The following KLF12 variants were observed in gnomAD, a reference collection of about 807,000 sequenced individuals.
KLF12 encodes the protein KLF transcription factor 12.
Under a neutral mutation model 37.8 loss-of-function variants are expected in KLF12, and 9 were observed. The ratio of observed to expected loss-of-function variants is 0.24; its 90% CI spans 0.14 to 0.42. The LOEUF (loss-of-function observed/expected upper bound fraction) is 0.42. Ranked by LOEUF, KLF12 falls within the 10% of genes least tolerant of loss-of-function variation. The pLI is 1.00. For synonymous variants in KLF12, 208 were observed against 202.1 expected (o/e 1.03, Z -0.25); for missense variants, 411 against 516.0 (o/e 0.80, Z 1.97).
At chr13:74,200,189 C>CGGG in the KLF12 span, among the ~76,000 whole-genome samples, 143 of 151,008 alleles carry the variant, frequency 9.5e-4, no homozygotes, top group African/African-American at 3.2e-3. Context: ...TAAGCTTGCT[C>CGGG]AGGGGGGGGG....
At chr13:73,979,373 A>G (rs974500657) in intron 2 of KLF12, among the ~76,000 whole-genome samples, 23 of 151,304 alleles carry the variant, frequency 1.5e-4, no homozygotes, top group Non-Finnish European at 3.4e-4. Flanking sequence ...ACACACACAC[A>G]CACACACACA....
At chr13:73,903,672 A>G (rs1888138678) in intron 3 of KLF12, among the ~76,000 whole-genome samples, 1 of 152,186 alleles carries the variant, frequency 6.6e-6, no homozygotes, top group African/African-American at 2.4e-5. Flanking sequence ...TCAATCTACA[A>G]CAGAATCAAG....
chr13:74,003,153 A>G (rs1312409870), intron 1 of KLF12, among the ~76,000 whole-genome samples: 2 of 152,236 alleles, frequency 1.3e-5, no homozygotes, highest in African/African-American at 4.8e-5. Context: ...CATCCTTAGT[A>G]ACACCATAGG....
At chr13:74,220,132 C>A in the KLF12 span, among the ~76,000 whole-genome samples, 1 of 151,998 alleles carries the variant, frequency 6.6e-6, no homozygotes, top group Non-Finnish European at 1.5e-5. Context: ...TTTTGGTAAT[C>A]TCTTTTAGTG....
In KLF12 at chr13:73,904,469, C is replaced by CTTTTTT. The variant is rs11342071; in HGVS notation, c.123+39506_123+39511dup. Among the ~76,000 whole-genome samples, 131 of 91,968 alleles carry CTTTTTT rather than the reference C, an allele frequency of 1.4e-3. 1 individual carries two copies. The highest frequency in any genetic ancestry group is 1.9e-3 in the Non-Finnish European group (93 of 48,308). The allele number at this position is 91,968 out of a possible 152,430, so 60.3% of individuals were successfully genotyped here. Reference sequence around the variant, plus strand: ...CAGTTTCTCATGTTTTCTTTCTTTCCTTTTTTTTTTTTTTTTTTTTTTTAC... The same window carrying CTTTTTT: ...CAGTTTCTCATGTTTTCTTTCTTTCCTTTTTTTTTTTTTTTTTTTTTTTTTTTTTAC... On this transcript the variant is annotated intron_variant, in intron 3 of 7. Coordinates refer to ENST00000377669, the MANE Select transcript of KLF12 (RefSeq NM_007249.5).
chr13:73,803,772 T>TCTCA (rs1040863122), intron 5 of KLF12, among the ~76,000 whole-genome samples: 5 of 141,950 alleles, frequency 3.5e-5, no homozygotes, highest in African/African-American at 1.0e-4. Context: ...TACTGCAGAG[T>TCTCA]CACACACACA....
At chr13:73,741,072 C>A (rs997908529) in intron 6 of KLF12, among the ~76,000 whole-genome samples, 7 of 152,196 alleles carry the variant, frequency 4.6e-5, no homozygotes, top group African/African-American at 1.7e-4. Context: ...ACTTTCATTT[C>A]TATAACATCG....
chr13:74,231,353 T>C, the KLF12 span: 1 of 152,240 alleles, frequency 6.6e-6, no homozygotes, highest in Non-Finnish European at 1.5e-5. Context: ...ACCTCTTGAA[T>C]ATCTTACCAA....
chr13:74,271,648 A>G, the KLF12 span, among the ~76,000 whole-genome samples: 1 of 152,230 alleles, frequency 6.6e-6, no homozygotes, highest in African/African-American at 2.4e-5. Flanking sequence ...TGCCAACTAT[A>G]TCTATCAGCT....
rs1041676192 is a variant in KLF12 at position 73,689,136 on chromosome 13, A to T, written c.*6354T>A. 6.6e-6 allele frequency: 1 copy of T among 152,132 alleles called. No individual in the cohort carries two copies. The highest frequency in any genetic ancestry group is 1.5e-5 in the Non-Finnish European group (1 of 68,022). The allele number at this position is 152,132 out of a possible 1,614,324, so 9.4% of individuals were successfully genotyped here. A position where few individuals can be genotyped will look rare whatever the true frequency, so the allele number is the denominator to read the frequency against. Reference sequence around the variant, plus strand: ...CAAGGTACTTTAGTTTTTTCAGACAACACATGGTAAGAAGCCCAGTCAGAA... The same window carrying T: ...CAAGGTACTTTAGTTTTTTCAGACATCACATGGTAAGAAGCCCAGTCAGAA... On this transcript the variant is annotated 3_prime_UTR_variant, in exon 8 of 8. Transcript: ENST00000377669.
chr13:73,981,349 AG>A (rs915456756), intron 2 of KLF12, among the ~76,000 whole-genome samples: 1 of 152,196 alleles, frequency 6.6e-6, no homozygotes, highest in African/African-American at 2.4e-5. Context: ...GATAGCAAAA[AG>A]CTTAAAAGAA....
chr13:74,056,890 G>A (rs1353952075), intron 1 of KLF12, among the ~76,000 whole-genome samples: 1 of 152,158 alleles, frequency 6.6e-6, no homozygotes, highest in Non-Finnish European at 1.5e-5. Context: ...TCCCTTGTGG[G>A]GCCTGGTAAA....
At chr13:73,738,109 A>G (rs1566331156) in intron 6 of KLF12, among the ~76,000 whole-genome samples, 1,159 of 83,788 alleles carry the variant, frequency 0.014, 53 homozygotes, top group African/African-American at 0.056. Flanking sequence ...ATATATATAT[A>G]TATATATATA....
At chr13:73,713,452 T>A (rs75700796) in intron 7 of KLF12, among the ~76,000 whole-genome samples, 2,137 of 152,328 alleles carry the variant, frequency 0.014, 42 homozygotes, top group African/African-American at 0.048. Flanking sequence ...ACAAATTTTT[T>A]AAAATACACA....
At chr13:74,223,357 A>C in the KLF12 span, among the ~76,000 whole-genome samples, 4 of 152,228 alleles carry the variant, frequency 2.6e-5, no homozygotes, top group Non-Finnish European at 4.4e-5. Flanking sequence ...GTGAAAATCT[A>C]CTGAGAACCC....
At chr13:74,002,927 G>A (rs1892319401) in intron 1 of KLF12, among the ~76,000 whole-genome samples, 1 of 152,142 alleles carries the variant, frequency 6.6e-6, no homozygotes, top group Non-Finnish European at 1.5e-5. Flanking sequence ...ACAAAGGTGG[G>A]CTGAATATGG....
chr13:73,833,921 TA>T (rs1884296373), intron 4 of KLF12, among the ~76,000 whole-genome samples: 1 of 152,094 alleles, frequency 6.6e-6, no homozygotes, highest in Non-Finnish European at 1.5e-5. Context: ...ACTGCACGTC[TA>T]CACTGGCCAC....
chr13:73,702,449 A>C (rs1243248811), intron 7 of KLF12, among the ~76,000 whole-genome samples: 6 of 152,198 alleles, frequency 3.9e-5, no homozygotes, highest in Non-Finnish European at 8.8e-5. Flanking sequence ...GTGTACTGAG[A>C]CAAAAGACAG....
intron 6 of KLF12, among the ~76,000 whole-genome samples, chr13:73,716,177 G>A (rs1449736387): frequency 6.6e-6 from 1 of 152,110 alleles, no homozygotes; most frequent in Non-Finnish European, 1.5e-5. Flanking sequence ...ATAAAAAAAA[G>A]TTTTAACTAA....
Sources: gnomAD v4.1 joint callset for allele counts (sites outside exome capture counted in the v4.1 genomes callset) on GRCh38, gnomAD v4.1.1 for gene constraint, MANE v1.5 for transcripts, NCBI Gene and HGNC (gene_info 2026-07-23, HGNC 2026-07-21) for gene names.